The following RPTOR variants were observed in gnomAD, a reference collection of about 807,000 sequenced individuals.
The protein encoded by RPTOR is regulatory-associated protein of mTOR.
A neutral mutation model predicts 169.9 loss-of-function variants in RPTOR; 21 were observed. The ratio of observed to expected loss-of-function variants is 0.12; its 90% CI spans 0.09 to 0.18. The LOEUF (loss-of-function observed/expected upper bound fraction) is 0.18, where lower values mean the gene tolerates loss of function less well. Among genes scored for constraint, RPTOR ranks in the 10% least tolerant of loss-of-function variants. The probability of loss-of-function intolerance (pLI) is 1.00; values close to 1 mark genes in which losing one functional copy is unlikely to be tolerated. For synonymous variants in RPTOR, 732 were observed against 753.2 expected (o/e 0.97, Z 0.46); for missense variants, 1,133 against 1,855.9 (o/e 0.61, Z 7.16).
chr17:80,609,120 C>T lies in RPTOR; in HGVS notation c.163-16571C>T, dbSNP rs762958133. On this transcript the variant is annotated intron_variant, in intron 1 of 33. Transcript: ENST00000306801. The surrounding 1 kb of genome is among the most constrained non-coding windows in gnomAD (Gnocchi z 4.8). Reference sequence around the variant, plus strand: ...GAAGCATGGAGAGCACAGCGCGACCCGTGTGGAGAGGGCATCACTAGCCTG... The same window carrying T: ...GAAGCATGGAGAGCACAGCGCGACCTGTGTGGAGAGGGCATCACTAGCCTG... Among the ~76,000 whole-genome samples, 3 of 152,134 alleles carry T rather than the reference C, an allele frequency of 2.0e-5. No individual in the cohort carries two copies. The highest frequency in any genetic ancestry group is 4.8e-5 in the African/African-American group (2 of 41,436).
In RPTOR at chr17:80,644,306, G is replaced by GAT. The variant is rs773738955; in HGVS notation, c.348+496_348+497insAT. Among the ~76,000 whole-genome samples, 103 of 88,908 alleles carry GAT rather than the reference G, an allele frequency of 1.2e-3. 1 individual carries two copies. The highest frequency in any genetic ancestry group is 1.2e-3 in the Admixed American group (12 of 10,244). The allele number at this position is 88,908 out of a possible 152,430, so 58.3% of individuals were successfully genotyped here. A position where few individuals can be genotyped will look rare whatever the true frequency, so the allele number is the denominator to read the frequency against. On this transcript the variant is annotated intron_variant, in intron 3 of 33. Coordinates refer to ENST00000306801, the MANE Select transcript of RPTOR (RefSeq NM_020761.3). ...GGAGCCAGTTACCAATTAGTGTGTGGGTTTTTTTTTTTTTTTTTTTGGCTT... is the reference window on the plus strand; with the variant it reads ...GGAGCCAGTTACCAATTAGTGTGTGGATGTTTTTTTTTTTTTTTTTTTGGCTT...
intron 25 of RPTOR, 71 bp from the exon 26 acceptor site, chr17:80,945,591 CAAAAA>C: frequency 8.0e-6 from 8 of 996,386 alleles, no homozygotes. Flanking sequence ...GACTCCGTCT[CAAAAA>C]AAATAAATAA....
rs2066153247 is a variant in RPTOR, at chr17:80,707,818, C to A, written c.349-23C>A. 1 of 1,604,496 alleles carries A rather than the reference C, an allele frequency of 6.2e-7. No homozygotes were observed. Among genetic ancestry groups the A allele is most frequent in the East Asian group, 2.2e-5 (1 of 44,706 alleles). On this transcript the variant is annotated intron_variant, in intron 3 of 33. Coordinates refer to ENST00000306801, the MANE Select transcript of RPTOR (RefSeq NM_020761.3). The surrounding 1 kb of genome is among the most constrained non-coding windows in gnomAD (Gnocchi z 5.0). ...ATTCCCTGGAGTCCGTGGTAAATTT[C>A]TTCATTTCTTCTCCTGCAACAGGCC...
At chr17:80,938,132 TG>T (rs1218155612) in intron 24 of RPTOR, among the ~76,000 whole-genome samples, 2 of 152,222 alleles carry the variant, frequency 1.3e-5, no homozygotes, top group African/African-American at 4.8e-5. Context: ...AGGACAAGTG[TG>T]GGGCCCCCTG....
intron 13 of RPTOR, among the ~76,000 whole-genome samples, chr17:80,873,305 G>C (rs997831774): frequency 2.0e-5 from 3 of 152,100 alleles, no homozygotes; most frequent in African/African-American, 7.2e-5. Flanking sequence ...AGCAGGTCCT[G>C]GGAGTGATTG....
At chr17:80,796,431 A>C (rs992561203) in intron 7 of RPTOR, among the ~76,000 whole-genome samples, 7 of 152,214 alleles carry the variant, frequency 4.6e-5, no homozygotes, top group African/African-American at 1.7e-4. Context: ...CAGTCATGGC[A>C]GAAAGGGAAG....
At chr17:80,674,787 C>CAAAAAAAAAAAAAAAA (rs9319608) in intron 3 of RPTOR, among the ~76,000 whole-genome samples, 7 of 89,974 alleles carry the variant, frequency 7.8e-5, no homozygotes, top group Non-Finnish European at 1.1e-4. Context: ...GACTCTGTCT[C>CAAAAAAAAAAAAAAAA]AAAAAAAAAA....
intron 11 of RPTOR, among the ~76,000 whole-genome samples, chr17:80,854,378 C>A (rs1022758864): frequency 6.6e-6 from 1 of 152,210 alleles, no homozygotes; most frequent in African/African-American, 2.4e-5. Context: ...CAGAGTCACA[C>A]CGCAGTGAGC....
intron 14 of RPTOR, among the ~76,000 whole-genome samples, chr17:80,880,738 G>A (rs2143830500): frequency 6.6e-6 from 1 of 152,312 alleles, no homozygotes; most frequent in Middle Eastern, 3.4e-3. Flanking sequence ...CACATGGGTG[G>A]TTTTAGTTTA....
At chr17:80,715,821 G>T (rs1219150981) in intron 4 of RPTOR, among the ~76,000 whole-genome samples, 1 of 151,392 alleles carries the variant, frequency 6.6e-6, no homozygotes, top group African/African-American at 2.4e-5. Context: ...TACGATATTT[G>T]GTTTTCCATT....
At chr17:80,600,729 G>T (rs766976506) in intron 1 of RPTOR, among the ~76,000 whole-genome samples, 2 of 152,186 alleles carry the variant, frequency 1.3e-5, no homozygotes, top group Admixed American at 1.3e-4. Flanking sequence ...AGCAGTAATC[G>T]GACAGGCCTT....
At chr17:80,770,734 C>T (rs1276957047) in intron 6 of RPTOR, among the ~76,000 whole-genome samples, 2 of 152,244 alleles carry the variant, frequency 1.3e-5, no homozygotes, top group African/African-American at 2.4e-5. Flanking sequence ...CCGCCTCAAA[C>T]GCTTCCTGTC....
At chr17:80,717,167 C>A (rs2066246094) in intron 4 of RPTOR, among the ~76,000 whole-genome samples, 1 of 152,102 alleles carries the variant, frequency 6.6e-6, no homozygotes, top group Non-Finnish European at 1.5e-5. Context: ...ACTGAAATGT[C>A]ATCTGATCAC....
At position 80,962,445 on chromosome 17, in the gene RPTOR, G is replaced by C. The variant is rs367853572; in HGVS notation, c.3693-16G>C. ...GGCCTCCGGGAGGAGGTGTCACTGT[G>C]ACCCTCTCTTGGCAGCGTCAATGGA... On this transcript the variant is annotated splice_polypyrimidine_tract_variant and intron_variant, in intron 31 of 33. Transcript: ENST00000306801. The C allele has an allele frequency of 1.9e-6, 3 of 1,609,210 alleles. No individual in the cohort carries two copies. In the Admixed American group the frequency reaches 5.0e-5, roughly 27 times the overall value.
intron 21 of RPTOR, among the ~76,000 whole-genome samples, chr17:80,918,522 C>T (rs557837463): frequency 3.1e-5 from 2 of 64,108 alleles, no homozygotes; most frequent in South Asian, 4.3e-4. Flanking sequence ...AGCACCCTCG[C>T]GGGGGTCATA....
intron 5 of RPTOR, among the ~76,000 whole-genome samples, chr17:80,741,253 A>G (rs1372561261): frequency 6.6e-6 from 1 of 152,196 alleles, no homozygotes; most frequent in Non-Finnish European, 1.5e-5. Flanking sequence ...TGAGCAGAGT[A>G]AAAACACTCC....
intron 25 of RPTOR, among the ~76,000 whole-genome samples, chr17:80,943,892 G>A (rs1391036450): frequency 6.6e-6 from 1 of 152,180 alleles, no homozygotes; most frequent in East Asian, 1.9e-4. Context: ...GAAGGCTTGG[G>A]GGTCCCCAAG....
chr17:80,574,754 C>T (rs1023085191), intron 1 of RPTOR, among the ~76,000 whole-genome samples: 2 of 151,690 alleles, frequency 1.3e-5, no homozygotes, highest in African/African-American at 4.8e-5. Context: ...CTCCTGAGCT[C>T]AAGCGGTCTT....
chr17:80,726,703 G>A lies in RPTOR; in HGVS notation c.508-3857G>A, dbSNP rs1202273292. 3.3e-5 allele frequency among the ~76,000 whole-genome samples: 5 copies of A among 152,298 alleles called. No homozygotes were observed. The highest frequency in any genetic ancestry group is 1.3e-4 in the Admixed American group (2 of 15,304). On this transcript the variant is annotated intron_variant, in intron 4 of 33. Coordinates refer to ENST00000306801, the MANE Select transcript of RPTOR (RefSeq NM_020761.3). This position sits in a 1 kb window ranked among gnomAD's most constrained non-coding sequence, Gnocchi z 4.5. ...GAGGTGGCTGTAGGGTCAGGTGGCT[G>A]TAGGGTCAGGGCTGGGCAAGTTGTA...
Sources: gnomAD v4.1 joint callset for allele counts (sites outside exome capture counted in the v4.1 genomes callset) on GRCh38, gnomAD v4.1.1 for gene constraint, Gnocchi (gnomAD v3.1) non-coding constraint, MANE v1.5 for transcripts, NCBI Gene and HGNC (gene_info 2026-07-23, HGNC 2026-07-21) for gene names.